The following MYCBP2 variants were observed in gnomAD, a reference collection of about 807,000 sequenced individuals.
The protein encoded by MYCBP2 is E3 ubiquitin-protein ligase MYCBP2.
A neutral mutation model predicts 525.3 loss-of-function variants in MYCBP2; 120 were observed. The observed-to-expected ratio is 0.23, with a 90% CI of 0.20 to 0.27. The LOEUF is 0.27. Ranked by LOEUF, MYCBP2 falls within the 10% of genes least tolerant of loss-of-function variation. The pLI is 1.00. For synonymous variants in MYCBP2, 1,894 were observed against 1,955.8 expected (o/e 0.97, Z 0.83); for missense variants, 4,149 against 5,657.1 (o/e 0.73, Z 8.55).
intron 61 of MYCBP2, among the ~76,000 whole-genome samples, chr13:77,087,934 C>T (rs1208746822): frequency 6.6e-6 from 1 of 152,018 alleles, no homozygotes; most frequent in Non-Finnish European, 1.5e-5. Flanking sequence ...GTGTGTACCA[C>T]CACACCCAGC....
At chr13:77,195,712 TCAA>T (rs2061692658) in intron 26 of MYCBP2, among the ~76,000 whole-genome samples, 1 of 152,224 alleles carries the variant, frequency 6.6e-6, no homozygotes, top group Non-Finnish European at 1.5e-5. Context: ...CTGGAATATT[TCAA>T]CAACTAATTA....
At chr13:77,250,902 G>C (rs1417148755) in intron 15 of MYCBP2, among the ~76,000 whole-genome samples, 2 of 152,120 alleles carry the variant, frequency 1.3e-5, no homozygotes, top group African/African-American at 2.4e-5. Context: ...CTTATGGTCT[G>C]TTTTTAAATA....
chr13:77,149,197 C>T (rs573040642), intron 47 of MYCBP2, among the ~76,000 whole-genome samples: 26 of 152,238 alleles, frequency 1.7e-4, no homozygotes, highest in East Asian at 7.7e-4. Context: ...TTATGTGTTG[C>T]TTCTTTGGCT....
intron 1 of MYCBP2, among the ~76,000 whole-genome samples, chr13:77,321,782 T>C (rs1384851176): frequency 6.6e-6 from 1 of 152,264 alleles, no homozygotes; most frequent in Non-Finnish European, 1.5e-5. Flanking sequence ...CCTTTGTATC[T>C]TGCACTTCCA....
At chr13:77,096,289 T>C (rs759725526) in intron 57 of MYCBP2, 23 bp downstream of exon 57, 2 of 1,610,152 alleles carry the variant, frequency 1.2e-6, no homozygotes, top group African/African-American at 1.3e-5. Context: ...ATTAAAAGTA[T>C]AGCTCCAAAT....
intron 18 of MYCBP2, among the ~76,000 whole-genome samples, chr13:77,231,538 G>A (rs968581521): frequency 2.6e-5 from 4 of 152,178 alleles, no homozygotes; most frequent in African/African-American, 9.7e-5. Context: ...GTGCCACTGC[G>A]CCCAGCCTCA....
At chr13:77,252,321 A>G (rs1195535549) in intron 14 of MYCBP2, among the ~76,000 whole-genome samples, 1 of 152,170 alleles carries the variant, frequency 6.6e-6, no homozygotes. Context: ...AGGGCTATAT[A>G]AAAAAATGAC....
intron 9 of MYCBP2, 34 bp from the exon 10 acceptor site, chr13:77,263,823 A>G: frequency 6.2e-7 from 1 of 1,611,938 alleles, no homozygotes; most frequent in Non-Finnish European, 8.5e-7. Context: ...GCATTACATT[A>G]CATAAAGAGG....
intron 32 of MYCBP2, among the ~76,000 whole-genome samples, chr13:77,184,528 G>A (rs893915843): frequency 2.6e-5 from 4 of 152,186 alleles, no homozygotes; most frequent in Admixed American, 1.3e-4. Context: ...TGACAGTACT[G>A]TTCAAATCTG....
At chr13:77,312,137 A>T (rs2080325091) in intron 1 of MYCBP2, among the ~76,000 whole-genome samples, 1 of 152,126 alleles carries the variant, frequency 6.6e-6, no homozygotes, top group Non-Finnish European at 1.5e-5. Context: ...GGAATTATAT[A>T]TCCACCTAAA....
At chr13:77,172,106 G>C (rs533708287) in intron 37 of MYCBP2, among the ~76,000 whole-genome samples, 6 of 152,164 alleles carry the variant, frequency 3.9e-5, no homozygotes, top group Admixed American at 1.3e-4. Context: ...TCACCACGTT[G>C]GCCAGGCTGG....
intron 52 of MYCBP2, among the ~76,000 whole-genome samples, 161 bp from the exon 53 acceptor site, chr13:77,126,703 A>G (rs1390549943): frequency 6.6e-6 from 1 of 152,208 alleles, no homozygotes; most frequent in East Asian, 1.9e-4. Context: ...CACTAATTAA[A>G]GAATCTCAGT....
chr13:77,232,241 TA>T (rs983867439), intron 18 of MYCBP2, among the ~76,000 whole-genome samples: 17 of 152,318 alleles, frequency 1.1e-4, no homozygotes, highest in Admixed American at 7.8e-4. Context: ...ATCCAAACAT[TA>T]ATTAGATTAA....
chr13:77,154,463 A>G (rs1360146243), intron 46 of MYCBP2, among the ~76,000 whole-genome samples: 1 of 152,078 alleles, frequency 6.6e-6, no homozygotes, highest in East Asian at 1.9e-4. Flanking sequence ...GAACTCTAAG[A>G]TGAAAAGAAA....
intron 1 of MYCBP2, among the ~76,000 whole-genome samples, chr13:77,303,976 C>CA (rs1018204885): frequency 2.0e-5 from 3 of 151,968 alleles, no homozygotes; most frequent in Non-Finnish European, 4.4e-5. Context: ...AACAAAAAGA[C>CA]AAAAAATAAA....
chr13:77,217,315 G>C (rs993090797), intron 21 of MYCBP2, among the ~76,000 whole-genome samples: 1 of 152,110 alleles, frequency 6.6e-6, no homozygotes, highest in Non-Finnish European at 1.5e-5. Context: ...AAAATTCTTA[G>C]AGCATTTTCA....
intron 23 of MYCBP2, 116 bp from the exon 24 acceptor site, chr13:77,206,941 C>T (rs989121060): frequency 3.7e-6 from 3 of 816,166 alleles, no homozygotes; most frequent in African/African-American, 1.7e-5. Context: ...TTAAAGAGGA[C>T]AAATGTAGCT....
At position 77,174,465 on chromosome 13, in the gene MYCBP2, A is replaced by G; in HGVS notation, c.5497T>C (p.Leu1833=). The part of the protein sequence containing the change: ...LKENVKYAVR[L]RNYGSRTANG... ...GCTGTACGGCTTCCATAGTTCCTCA[A>G]GCGCACAGCATATTTAACATTTTCC... is the stretch of plus-strand genomic sequence containing the variant. Residue 1833 remains leucine, a synonymous_variant, in exon 37 of 83, where the codon TTG becomes CTG. Coordinates refer to ENST00000544440, the MANE Select transcript of MYCBP2 (RefSeq NM_015057.5). 6.2e-7 allele frequency: 1 copy of G among 1,614,002 alleles called. No individual in the cohort carries two copies. The highest frequency in any genetic ancestry group is 8.5e-7 in the Non-Finnish European group (1 of 1,179,894).
chr13:77,277,516 C>T (rs1250275382), intron 4 of MYCBP2, among the ~76,000 whole-genome samples: 4 of 152,052 alleles, frequency 2.6e-5, no homozygotes, highest in South Asian at 2.1e-4. Context: ...TCCCCACATG[C>T]GACCAAAAAA....
Sources: allele counts gnomAD v4.1 joint callset (sites outside exome capture counted in the v4.1 genomes callset), GRCh38; gene constraint gnomAD v4.1.1; transcripts MANE v1.5; gene names NCBI Gene and HGNC (gene_info 2026-07-23, HGNC 2026-07-21).